Variants in F13A1 observed in about 807,000 individuals in gnomAD.
The protein encoded by F13A1 is FSF, A subunit.
Under a neutral mutation model 80.1 loss-of-function variants are expected in F13A1, and 47 were observed. The ratio of observed to expected loss-of-function variants is 0.59; its 90% confidence interval spans 0.46 to 0.75. The LOEUF (loss-of-function observed/expected upper bound fraction) is 0.75. Among genes scored for constraint, F13A1 ranks in the 30% least tolerant of loss-of-function variants. The probability of loss-of-function intolerance (pLI) is 0.00; values close to 1 mark genes in which losing one functional copy is unlikely to be tolerated. For synonymous variants in F13A1, 349 were observed against 344.9 expected, an observed-to-expected ratio of 1.01 and a Z score of -0.13; for missense variants, 817 against 930.4, an observed-to-expected ratio of 0.88 and a Z score of 1.59.
chr6:6,239,870 G>A (rs1742920), intron 6 of F13A1, among the ~76,000 whole-genome samples: 65,772 of 151,890 alleles, frequency 0.43, 14,451 homozygotes, highest in Non-Finnish European at 0.46. Flanking sequence ...CAGAGCAGGA[G>A]GAGGAAAAAG....
intron 14 of F13A1, among the ~76,000 whole-genome samples, chr6:6,147,801 C>T (rs183365593): frequency 1.3e-4 from 20 of 152,274 alleles, no homozygotes; most frequent in Middle Eastern, 3.4e-3. Flanking sequence ...CATGAAGATA[C>T]GTATGCATGC....
chr6:6,198,067 C>CA (rs1410878933), intron 8 of F13A1, among the ~76,000 whole-genome samples: 1 of 152,054 alleles, frequency 6.6e-6, no homozygotes, highest in Non-Finnish European at 1.5e-5. Flanking sequence ...AGCAATTAAG[C>CA]AAAAAATACT....
Position 6,200,643 on chromosome 6 carries a change from G to A in F13A1, c.1113-3317C>T, listed in dbSNP as rs967508427. 3.1e-4 allele frequency among the ~76,000 whole-genome samples: 47 copies of A among 152,112 alleles called. 1 individual carries two copies. Among genetic ancestry groups the A allele is most frequent in the Admixed American group, 2.3e-3 (35 of 15,270 alleles). Reference sequence around the variant, plus strand: ...AATGCAATGCAGGGAAGTCTGTTTCGGTTATTTTCAAATTAAAAGAGACTG... The same window carrying A: ...AATGCAATGCAGGGAAGTCTGTTTCAGTTATTTTCAAATTAAAAGAGACTG... On this transcript the variant is annotated intron_variant, in intron 8 of 14. Transcript: ENST00000264870.
At chr6:6,160,199 C>G (rs886454115) in intron 13 of F13A1, among the ~76,000 whole-genome samples, 9 of 150,896 alleles carry the variant, frequency 6.0e-5, no homozygotes, top group African/African-American at 2.2e-4. Flanking sequence ...ATTGCTTGAA[C>G]CCAGGAGACG....
chr6:6,229,532 C>T lies in F13A1; in HGVS notation c.799-4672G>A, dbSNP rs183311151. On this transcript the variant is annotated intron_variant, in intron 6 of 14. Coordinates refer to ENST00000264870, the MANE Select transcript of F13A1 (RefSeq NM_000129.4). The stretch of plus-strand genomic sequence containing the variant: ...ATAGTTATGGAAAACAAAGATGATA[C>T]AACATAAGGATGATTAGTGTCCTTA... Among the ~76,000 whole-genome samples, 569 of 152,214 alleles carry T rather than the reference C, an allele frequency of 3.7e-3. 3 individuals are homozygous for T. The highest frequency in any genetic ancestry group is 5.1e-3 in the Admixed American group (78 of 15,288).
At chr6:6,245,701 C>G (rs546478063) in intron 6 of F13A1, among the ~76,000 whole-genome samples, 2 of 152,250 alleles carry the variant, frequency 1.3e-5, no homozygotes, top group African/African-American at 4.8e-5. Context: ...TGCATCTTGT[C>G]CCCACCCAGC....
intron 6 of F13A1, among the ~76,000 whole-genome samples, chr6:6,227,004 A>G (rs998153492): frequency 1.4e-5 from 2 of 148,060 alleles, no homozygotes; most frequent in Non-Finnish European, 3.0e-5. Flanking sequence ...AACAGTTTTA[A>G]TAAATGTGTA....
intron 8 of F13A1, among the ~76,000 whole-genome samples, chr6:6,210,348 T>TATATATATATATATA (rs1420900272): frequency 5.1e-4 from 68 of 134,608 alleles, no homozygotes; most frequent in African/African-American, 6.8e-4. Context: ...TATATATATA[T>TATATATATATATATA]TTCTTTTTTT....
intron 13 of F13A1, among the ~76,000 whole-genome samples, chr6:6,164,764 C>T (rs1011359578): frequency 2.0e-5 from 3 of 148,832 alleles, no homozygotes; most frequent in Admixed American, 6.7e-5. Context: ...TCTCCATCTT[C>T]CCCTCCCCTC....
intron 6 of F13A1, among the ~76,000 whole-genome samples, chr6:6,246,838 G>C (rs1346417785): frequency 2.0e-5 from 3 of 152,182 alleles, no homozygotes; most frequent in Non-Finnish European, 4.4e-5. Flanking sequence ...ATTTTAGAAT[G>C]CTTAAGAAGG....
At chr6:6,222,921 T>A (rs989049861) in intron 7 of F13A1, among the ~76,000 whole-genome samples, 1 of 152,176 alleles carries the variant, frequency 6.6e-6, no homozygotes, top group Non-Finnish European at 1.5e-5. Context: ...TCCCCCTCCT[T>A]AAAGGACTTG....
intron 10 of F13A1, among the ~76,000 whole-genome samples, chr6:6,191,597 C>G (rs1583064358): frequency 6.6e-6 from 1 of 152,172 alleles, no homozygotes; most frequent in Non-Finnish European, 1.5e-5. Flanking sequence ...CACCTGGGCC[C>G]ATAGAATGTG....
chr6:6,177,488 C>T (rs899408199), intron 11 of F13A1, among the ~76,000 whole-genome samples: 4 of 152,236 alleles, frequency 2.6e-5, no homozygotes, highest in African/African-American at 9.6e-5. Flanking sequence ...GGCCCTGAAA[C>T]CCAGCCTGGC....
At chr6:6,270,229 G>T (rs755588791) in intron 3 of F13A1, among the ~76,000 whole-genome samples, 5 of 152,112 alleles carry the variant, frequency 3.3e-5, no homozygotes, top group Non-Finnish European at 7.3e-5. Flanking sequence ...TTTAAGGAGC[G>T]ATTTATTACA....
chr6:6,278,045 C>A (rs1369324942), intron 3 of F13A1, among the ~76,000 whole-genome samples: 2 of 152,200 alleles, frequency 1.3e-5, no homozygotes, highest in Non-Finnish European at 2.9e-5. Context: ...ATAAAGACTC[C>A]TTTCCAAATG....
chr6:6,318,523 G>T lies in F13A1; in HGVS notation c.130+12C>A, dbSNP rs755778840. On this transcript the variant is annotated intron_variant, in intron 2 of 14. Coordinates refer to ENST00000264870, the MANE Select transcript of F13A1 (RefSeq NM_000129.4). The stretch of plus-strand genomic sequence containing the variant: ...GGACCCAGAGTGGTGGGGAAGGGGG[G>T]TATGCTCATACCTTGCAGGTTGACG... 2 of 1,610,526 alleles carry T rather than the reference G, an allele frequency of 1.2e-6. No homozygotes were observed. The highest frequency in any genetic ancestry group is 2.2e-5 in the South Asian group (2 of 90,180).
rs1761308442 is a variant in F13A1, at chr6:6,197,271, A to G, written c.1168T>C (p.Phe390Leu). The G allele has an allele frequency of 5.0e-6, 8 of 1,614,194 alleles. No individual in the cohort carries two copies. Among genetic ancestry groups the G allele is most frequent in the Non-Finnish European group, 6.8e-6 (8 of 1,180,030 alleles). Reference protein sequence around the residue: ...WMTRPDLPVGFGGWQAVDSTP... With the variant: ...WMTRPDLPVGLGGWQAVDSTP... ...CTGTCCACAGCTTGCCAGCCTCCAAATCCAACAGGAAGGTCAGGCCTTGTC... is the reference window on the plus strand; with the variant it reads ...CTGTCCACAGCTTGCCAGCCTCCAAGTCCAACAGGAAGGTCAGGCCTTGTC... The change falls in exon 9 of 15, where the codon TTT becomes CTT. Residue 390 changes from phenylalanine to leucine, a missense_variant. Transcript: ENST00000264870.
At chr6:6,235,183 T>C (rs1757399530) in intron 6 of F13A1, among the ~76,000 whole-genome samples, 3 of 151,990 alleles carry the variant, frequency 2.0e-5, no homozygotes, top group South Asian at 4.1e-4. Context: ...GTTATAAAAC[T>C]TCTAAAAGGA....
At chr6:6,221,179 A>C (rs1405765098) in intron 8 of F13A1, among the ~76,000 whole-genome samples, 1 of 152,198 alleles carries the variant, frequency 6.6e-6, no homozygotes, top group Non-Finnish European at 1.5e-5. Flanking sequence ...CTTGATAAAA[A>C]TTCTTCCTAC....
Sources: allele counts gnomAD v4.1 joint callset (sites outside exome capture counted in the v4.1 genomes callset), GRCh38; gene constraint gnomAD v4.1.1; transcripts MANE v1.5; gene names NCBI Gene and HGNC (gene_info 2026-07-23, HGNC 2026-07-21).